DNAH8: variants seen among roughly 807,000 people sequenced by gnomAD.
DNAH8 encodes the protein dynein axonemal heavy chain 8.
DNAH8 carries 382 observed loss-of-function variants against 562.1 expected under a neutral mutation model. That is an observed-to-expected ratio of 0.68 (90% CI 0.63 to 0.74). The LOEUF is 0.74. Among genes scored for constraint, DNAH8 ranks in the 30% least tolerant of loss-of-function variants. The probability of loss-of-function intolerance (pLI) is 0.00; values close to 1 mark genes in which losing one functional copy is unlikely to be tolerated. For missense variants in DNAH8, 5,203 were observed against 5,620.4 expected (o/e 0.93, Z 2.37); for synonymous variants, 1,881 against 1,919.4 (o/e 0.98, Z 0.52).
rs575492738 is a variant in DNAH8, at chr6:39,006,939, G to A, written c.13215-1875G>A. On this transcript the variant is annotated intron_variant, in intron 88 of 92. Coordinates refer to ENST00000327475, the MANE Select transcript of DNAH8 (RefSeq NM_001206927.2). ...TATGCTTTCCACCTCAGGTATGAGGGCTTCTCTCCTGTCTCATTGCACTAT... is the reference window on the plus strand; with the variant it reads ...TATGCTTTCCACCTCAGGTATGAGGACTTCTCTCCTGTCTCATTGCACTAT... 6.6e-4 allele frequency among the ~76,000 whole-genome samples: 100 copies of A among 152,240 alleles called. 1 individual carries two copies. Among genetic ancestry groups the A allele is most frequent in the Non-Finnish European group, 1.3e-3 (88 of 68,006 alleles).
chr6:38,753,552 G>A (rs890884023), intron 9 of DNAH8, among the ~76,000 whole-genome samples: 6 of 152,066 alleles, frequency 3.9e-5, no homozygotes, highest in African/African-American at 1.4e-4. Context: ...GATGGGAGTA[G>A]GTGGTCATTA....
At chr6:38,954,247 A>G (rs980257072) in intron 82 of DNAH8, among the ~76,000 whole-genome samples, 2 of 152,238 alleles carry the variant, frequency 1.3e-5, no homozygotes, top group African/African-American at 2.4e-5. Context: ...GAGGTCTCAG[A>G]GGAAGGATGG....
At position 38,923,971 on chromosome 6, in the gene DNAH8, G is replaced by T. The variant is rs1408616088; in HGVS notation, c.10791-20G>T. The T allele has an allele frequency of 6.2e-7, 1 of 1,613,180 alleles. No individual in the cohort carries two copies. The highest frequency in any genetic ancestry group is 8.5e-7 in the Non-Finnish European group (1 of 1,179,624). On this transcript the variant is annotated intron_variant, in intron 72 of 92. Coordinates refer to ENST00000327475, the MANE Select transcript of DNAH8 (RefSeq NM_001206927.2). ...TCAGGTGACTCACTTTGGGGAGGGG[G>T]CTGTGTGTTTTCTTCACAGACTTGT...
chr6:38,903,008 G>C (rs3918448), intron 62 of DNAH8, among the ~76,000 whole-genome samples: 3 of 152,072 alleles, frequency 2.0e-5, no homozygotes, highest in African/African-American at 7.2e-5. Context: ...CTTTTCTATG[G>C]TTAGGTAGAT....
In DNAH8 at chr6:38,938,985, A is replaced by AAT; in HGVS notation, c.12005_12006insTA (p.Lys4002AsnfsTer9). 1.2e-6 allele frequency: 2 copies of AAT among 1,612,422 alleles called. No homozygotes were observed. The highest frequency in any genetic ancestry group is 1.7e-6 in the Non-Finnish European group (2 of 1,179,092). ...GCACAGAGAGTTTCAAGCTCTCATT[A>AAT]AAGGTAAAGTGTGTGGGATACAGAT... On this transcript the variant is annotated frameshift_variant, in exon 79 of 93. Transcript: ENST00000327475. LOFTEE classifies it high-confidence loss of function.
chr6:38,805,658 A>T (rs180692642), intron 23 of DNAH8, 62 bp downstream of exon 23: 1 of 916,566 alleles, frequency 1.1e-6, no homozygotes, highest in Admixed American at 2.2e-5. Context: ...ATTATAGATA[A>T]CCCCATATGG....
intron 82 of DNAH8, among the ~76,000 whole-genome samples, chr6:38,967,040 G>T (rs1463154912): frequency 1.3e-5 from 2 of 152,124 alleles, no homozygotes; most frequent in Non-Finnish European, 2.9e-5. Flanking sequence ...AATTTTAGGG[G>T]TACATAAACA....
intron 11 of DNAH8, among the ~76,000 whole-genome samples, chr6:38,766,010 A>G (rs1418472860): frequency 6.6e-6 from 1 of 152,190 alleles, no homozygotes; most frequent in East Asian, 1.9e-4. Flanking sequence ...AGATATCTGC[A>G]TTCTTATATT....
At chr6:38,967,519 T>C (rs1763053973) in intron 82 of DNAH8, among the ~76,000 whole-genome samples, 1 of 152,090 alleles carries the variant, frequency 6.6e-6, no homozygotes, top group African/African-American at 2.4e-5. Flanking sequence ...CATAAACACA[T>C]TACAATTCCT....
intron 5 of DNAH8, among the ~76,000 whole-genome samples, chr6:38,736,126 A>G (rs917268126): frequency 6.6e-6 from 1 of 151,576 alleles, no homozygotes; most frequent in Non-Finnish European, 1.5e-5. Flanking sequence ...CTACAGAGTG[A>G]GAGAAAAAAA....
Position 38,823,640 on chromosome 6 carries a change from G to A in DNAH8, c.3799G>A (p.Asp1267Asn). 1 of 1,607,552 alleles carries A rather than the reference G, an allele frequency of 6.2e-7. No individual in the cohort carries two copies. Among genetic ancestry groups the A allele is most frequent in the South Asian group, 1.1e-5 (1 of 90,850 alleles). ...LHYATFEQEIDELKPIIVVGA... is the reference protein window; with the variant it reads ...LHYATFEQEINELKPIIVVGA... ...CTATGCTACTTTTGAACAGGAGATT[G>A]ATGAGTTGAAGCCTATTATTGTTGT... Residue 1267 changes from aspartate (D) to asparagine (N), a missense_variant, in exon 28 of 93, where the codon GAT (aspartate) becomes AAT (asparagine). Asp to Asn is a conservative substitution (Grantham distance 23, BLOSUM62 1). Around this residue, in one of 6 missense-constraint regions of DNAH8, gnomAD observed 2,176 missense variants for 2,365.1 expected, o/e 0.92. Coordinates refer to ENST00000327475, the MANE Select transcript of DNAH8 (RefSeq NM_001206927.2).
chr6:38,767,641 A>G (rs1678643), intron 11 of DNAH8, among the ~76,000 whole-genome samples: 38,633 of 152,092 alleles, frequency 0.25, 5,464 homozygotes, highest in East Asian at 0.46. Context: ...TTCCCTTTAT[A>G]GCTGAGTAAT....
Position 38,898,323 on chromosome 6 carries a change from T to C in DNAH8, c.9006T>C (p.Ile3002=), listed in dbSNP as rs1779837257. The C allele has an allele frequency of 6.3e-7, 1 of 1,590,186 alleles. No individual in the cohort carries two copies. Residue 3002 remains isoleucine, a synonymous_variant, in exon 61 of 93, where the codon ATT becomes ATC. Coordinates refer to ENST00000327475, the MANE Select transcript of DNAH8 (RefSeq NM_001206927.2). ...QFYQRQFNEI[I]RGTSLDLVFF... is the part of the protein sequence containing the mutation. Reference sequence around the variant, plus strand: ...ACCAGAGACAGTTCAATGAAATCATTAGAGGAACATCTCTTGATCTGGTGT... The same window carrying C: ...ACCAGAGACAGTTCAATGAAATCATCAGAGGAACATCTCTTGATCTGGTGT...
At chr6:38,965,464 T>A (rs1039455427) in intron 82 of DNAH8, among the ~76,000 whole-genome samples, 2 of 152,242 alleles carry the variant, frequency 1.3e-5, no homozygotes, top group African/African-American at 4.8e-5. Context: ...TTTCCTTCTT[T>A]ATATGCTCCT....
intron 86 of DNAH8, 34 bp from the exon 87 acceptor site, chr6:38,984,172 G>T: frequency 7.7e-7 from 1 of 1,299,078 alleles, no homozygotes; most frequent in South Asian, 1.2e-5. Flanking sequence ...TGTTTGGGTT[G>T]ACAATTAATA....
Position 38,842,869 on chromosome 6 carries a change from A to C in DNAH8, c.4811A>C (p.Glu1604Ala). The C allele has an allele frequency of 6.2e-7, 1 of 1,613,782 alleles. No individual in the cohort carries two copies. The highest frequency in any genetic ancestry group is 8.5e-7 in the Non-Finnish European group (1 of 1,179,792). Residue 1604 changes from glutamate to alanine, a missense_variant, in exon 35 of 93, where the codon GAA (glutamate) becomes GCA (alanine). By Grantham distance (107) the Glu-to-Ala change is moderately radical. This residue lies in a region of DNAH8 where 2,176 missense variants were observed against 2,365.1 expected (regional missense o/e 0.92). Coordinates refer to ENST00000327475, the MANE Select transcript of DNAH8 (RefSeq NM_001206927.2). ...SDSFCLRNIM[E>A]APLLKHKDDI... is the part of the protein sequence containing the mutation. ...TCTTTTTGCCTTAGAAATATCATGG[A>C]AGCACCACTCCTTAAACATAAGGAT...
At chr6:38,945,922 A>C (rs1761380744) in intron 80 of DNAH8, among the ~76,000 whole-genome samples, 1 of 152,208 alleles carries the variant, frequency 6.6e-6, no homozygotes, top group South Asian at 2.1e-4. Flanking sequence ...TCTGCCTATG[A>C]TTAAGTGATT....
At chr6:38,990,433 A>G (rs116467202) in intron 88 of DNAH8, among the ~76,000 whole-genome samples, 51 of 152,322 alleles carry the variant, frequency 3.3e-4, no homozygotes, top group African/African-American at 1.2e-3. Flanking sequence ...CTGTCATGTC[A>G]TAAAACGAGT....
At chr6:38,870,316 G>A (rs1489006687) in intron 48 of DNAH8, 85 bp from the exon 49 acceptor site, 3 of 1,188,602 alleles carry the variant, frequency 2.5e-6, no homozygotes, top group Admixed American at 2.0e-5. Flanking sequence ...TGGGGATGAA[G>A]TGATAAGTAC....
Sources: gnomAD v4.1 joint callset for allele counts (sites outside exome capture counted in the v4.1 genomes callset) on GRCh38, gnomAD v4.1.1 for gene constraint, gnomAD v4.1.1 regional missense constraint, MANE v1.5 for transcripts, NCBI Gene and HGNC (gene_info 2026-07-23, HGNC 2026-07-21) for gene names.